NLRP14: variants seen among roughly 807,000 people sequenced by gnomAD.
The protein encoded by NLRP14 is NLR family pyrin domain containing 14.
Under a neutral mutation model 94.7 loss-of-function variants are expected in NLRP14, and 105 were observed. The observed-to-expected ratio is 1.11, with a 90% CI of 0.95 to 1.30. The LOEUF (loss-of-function observed/expected upper bound fraction) is 1.30, where lower values mean the gene tolerates loss of function less well. NLRP14 is among the 50% of genes most tolerant of loss of function. NLRP14 has a pLI of 0.00. For missense variants in NLRP14, 1,362 were observed against 1,254.1 expected (o/e 1.09, Z -1.30); for synonymous variants, 508 against 459.9 (o/e 1.10, Z -1.34).
rs757452487 is a variant in NLRP14, at chr11:7,062,435, G to T, written c.2907G>T (p.Leu969Phe). Residue 969 changes from leucine (L) to phenylalanine (F), a missense_variant, in exon 10 of 12, where the codon TTG (leucine) becomes TTT (phenylalanine). Physicochemically the swap from Leu to Phe is conservative, Grantham distance 22. Coordinates refer to ENST00000299481, the MANE Select transcript of NLRP14 (RefSeq NM_176822.4). ...LRSLDLGNNDLQDDGVKILCD... is the reference protein window; with the variant it reads ...LRSLDLGNNDFQDDGVKILCD... ...GCCTGGACCTTGGGAACAACGATTT[G>T]CAGGATGATGGAGTGAAAATTCTGT... 5.6e-6 allele frequency: 9 copies of T among 1,613,156 alleles called. No individual in the cohort carries two copies. Among genetic ancestry groups the T allele is most frequent in the African/African-American group, 1.3e-5 (1 of 74,858 alleles).
At chr11:7,065,402 A>G (rs986715686) in intron 10 of NLRP14, among the ~76,000 whole-genome samples, 8 of 152,132 alleles carry the variant, frequency 5.3e-5, no homozygotes, top group African/African-American at 1.7e-4. Flanking sequence ...TTCTTATCCA[A>G]TAGCCTGCCA....
At chr11:7,042,346 T>G in intron 3 of NLRP14, 42 bp from the exon 4 acceptor site, 1 of 1,545,860 alleles carries the variant, frequency 6.5e-7, no homozygotes, top group Non-Finnish European at 8.9e-7. Context: ...TTTGATCATG[T>G]GTCTTTGTTT....
Position 7,071,317 on chromosome 11 carries a change from A to G in NLRP14, c.*9A>G. On this transcript the variant is annotated 3_prime_UTR_variant, in exon 12 of 12. Transcript: ENST00000299481. ...GGTGGTGGTGTTTCTGATTTGAAGA[A>G]ACTGACATTCCTTTAAAAATATAAA... 1 of 1,608,184 alleles carries G rather than the reference A, an allele frequency of 6.2e-7. No individual in the cohort carries two copies. The highest frequency in any genetic ancestry group is 8.5e-7 in the Non-Finnish European group (1 of 1,175,148).
intron 4 of NLRP14, among the ~76,000 whole-genome samples, chr11:7,044,938 T>C (rs960008208): frequency 3.9e-5 from 6 of 152,202 alleles, no homozygotes; most frequent in Non-Finnish European, 8.8e-5. Context: ...AAGTCCTTGA[T>C]CTCATTTAGT....
At chr11:7,081,959 C>G in the NLRP14 span, among the ~76,000 whole-genome samples, 2 of 152,078 alleles carry the variant, frequency 1.3e-5, no homozygotes, top group African/African-American at 4.8e-5. Context: ...TGGTGAACAG[C>G]CCCCACCCTA....
downstream of NLRP14, among the ~76,000 whole-genome samples, chr11:7,072,777 G>T (rs1045529548): frequency 6.6e-6 from 1 of 152,138 alleles, no homozygotes; most frequent in Non-Finnish European, 1.5e-5. Flanking sequence ...ACTTTATCAG[G>T]GATTGTGGTT....
chr11:7,049,581 A>G (rs1341194116), intron 5 of NLRP14, 90 bp from the exon 6 acceptor site: 2 of 897,562 alleles, frequency 2.2e-6, no homozygotes, highest in Non-Finnish European at 3.7e-6. Context: ...TATTCATGTA[A>G]TATCCAAGAA....
chr11:7,026,286 A>G (rs1852013016), intron 1 of NLRP14, among the ~76,000 whole-genome samples: 1 of 152,220 alleles, frequency 6.6e-6, no homozygotes, highest in Non-Finnish European at 1.5e-5. Context: ...CGGAATCTAC[A>G]ATGAACTCAA....
At chr11:7,023,546 T>C (rs1243801369) in intron 1 of NLRP14, among the ~76,000 whole-genome samples, 1 of 146,040 alleles carries the variant, frequency 6.8e-6, no homozygotes, top group East Asian at 2.0e-4. Flanking sequence ...TTTATATTAA[T>C]ATATTTTATT....
At chr11:7,087,610 A>G in the NLRP14 span, among the ~76,000 whole-genome samples, 1 of 152,256 alleles carries the variant, frequency 6.6e-6, no homozygotes, top group Non-Finnish European at 1.5e-5. Context: ...ACTTGATTTT[A>G]TAAGTAAATT....
At chr11:7,030,451 C>G (rs1001107139) in intron 1 of NLRP14, among the ~76,000 whole-genome samples, 1 of 152,214 alleles carries the variant, frequency 6.6e-6, no homozygotes, top group African/African-American at 2.4e-5. Context: ...TTCACACTTT[C>G]ACATTCTGCA....
chr11:7,080,910 G>A, the NLRP14 span, among the ~76,000 whole-genome samples: 1 of 152,148 alleles, frequency 6.6e-6, no homozygotes, highest in South Asian at 2.1e-4. Flanking sequence ...TTAGGGTGAG[G>A]GGGCTTATCA....
Position 7,025,965 on chromosome 11 carries a change from T to C in NLRP14, c.-22+5195T>C, listed in dbSNP as rs571474656. Among the ~76,000 whole-genome samples, 18 of 152,300 alleles carry C rather than the reference T, an allele frequency of 1.2e-4. No homozygotes were observed. In the South Asian group the frequency reaches 3.7e-3, roughly 32 times the overall value. Reference sequence around the variant, plus strand: ...ATAATCTGAATTTCAAAGGTATATATAGAAACCTTATAACCCTAGAATTGA... The same window carrying C: ...ATAATCTGAATTTCAAAGGTATATACAGAAACCTTATAACCCTAGAATTGA... On this transcript the variant is annotated intron_variant, in intron 1 of 11. Transcript: ENST00000299481.
At chr11:7,076,958 C>G in the NLRP14 span, among the ~76,000 whole-genome samples, 4 of 152,200 alleles carry the variant, frequency 2.6e-5, no homozygotes, top group Admixed American at 6.5e-5. Flanking sequence ...TTTCCAACTT[C>G]CCAGCAACTC....
intron 1 of NLRP14, among the ~76,000 whole-genome samples, chr11:7,033,498 G>T (rs1327679579): frequency 6.6e-6 from 1 of 151,998 alleles, no homozygotes; most frequent in South Asian, 2.1e-4. Flanking sequence ...TTCTATTCCT[G>T]AATATTACAT....
At chr11:7,054,394 A>T (rs1385448870) in intron 6 of NLRP14, among the ~76,000 whole-genome samples, 1 of 152,142 alleles carries the variant, frequency 6.6e-6, no homozygotes, top group Admixed American at 6.6e-5. Flanking sequence ...ACTGTTCTCC[A>T]TAATAGTTGT....
chr11:7,063,290 A>G (rs1852654199), intron 10 of NLRP14, among the ~76,000 whole-genome samples: 2 of 152,124 alleles, frequency 1.3e-5, no homozygotes, highest in Non-Finnish European at 2.9e-5. Context: ...CTTAGGAGAG[A>G]CAAAGGACTT....
the NLRP14 span, chr11:7,089,448 G>A: frequency 2.7e-6 from 4 of 1,497,366 alleles, no homozygotes; most frequent in Admixed American, 2.2e-5. Context: ...GTTCCTGCGC[G>A]GAACCCGCGG....
At chr11:7,089,998 C>T in the NLRP14 span, 6 of 1,613,086 alleles carry the variant, frequency 3.7e-6, no homozygotes, top group South Asian at 6.6e-5. Flanking sequence ...CGCGGCGCCG[C>T]CCCAGGACGG....
Sources: gnomAD v4.1 joint callset for allele counts (sites outside exome capture counted in the v4.1 genomes callset) on GRCh38, gnomAD v4.1.1 for gene constraint, MANE v1.5 for transcripts, NCBI Gene and HGNC (gene_info 2026-07-23, HGNC 2026-07-21) for gene names.